Variants in WDR33 observed in about 807,000 individuals in gnomAD.
The protein encoded by WDR33 is WD repeat domain 33.
In WDR33, 47 loss-of-function variants were observed where a neutral mutation model predicts 164.9. That is an observed-to-expected ratio of 0.29 (90% CI 0.23 to 0.36). WDR33 has a LOEUF of 0.36. Ranked by LOEUF, WDR33 falls within the 10% of genes least tolerant of loss-of-function variation. The pLI, the probability that WDR33 is intolerant of heterozygous loss-of-function variation, is 1.00. For synonymous variants in WDR33, 505 were observed against 589.0 expected (o/e 0.86, Z 2.06); for missense variants, 1,137 against 1,754.1 (o/e 0.65, Z 6.28).
chr2:127,751,999 T>A (rs1476166667), intron 7 of WDR33, among the ~76,000 whole-genome samples: 2 of 152,070 alleles, frequency 1.3e-5, no homozygotes, highest in Admixed American at 1.3e-4. Context: ...TTTCACGGGG[T>A]GGACGCAGAG....
At chr2:127,771,061 A>T in intron 1 of WDR33, 57 bp from the exon 2 acceptor site, 1 of 1,286,744 alleles carries the variant, frequency 7.8e-7, no homozygotes, top group Non-Finnish European at 1.1e-6. Flanking sequence ...CACTGCCTGA[A>T]AACATTTTTA....
At position 127,713,921 on chromosome 2, in the gene WDR33, G is replaced by A; in HGVS notation, c.2970C>T (p.Phe990=). ...GACCCCTGCAGTCCTGGCCACCCCG[G>A]AAAGGCCCCCTCTCGGGCCCATGCT... The part of the protein sequence containing the change: ...GPEHGPERGP[F]RGGQDCRGPP... Residue 990 remains phenylalanine, a synonymous_variant, in exon 18 of 22, where the codon TTC becomes TTT. Coordinates refer to ENST00000322313, the MANE Select transcript of WDR33 (RefSeq NM_018383.5). The surrounding 1 kb of genome is among the most constrained non-coding windows in gnomAD (Gnocchi z 6.2). The A allele has an allele frequency of 6.2e-7, 1 of 1,610,392 alleles. No homozygotes were observed. Among genetic ancestry groups the A allele is most frequent in the Non-Finnish European group, 8.5e-7 (1 of 1,177,974 alleles).
chr2:127,711,804 G>A (rs571278259), intron 18 of WDR33, among the ~76,000 whole-genome samples: 13 of 87,364 alleles, frequency 1.5e-4, no homozygotes, highest in South Asian at 1.4e-3. Flanking sequence ...ACAGAGTCTC[G>A]CCCTGTCACC....
Position 127,763,021 on chromosome 2 carries a change from C to T in WDR33, c.724+41G>A. On this transcript the variant is annotated intron_variant, in intron 7 of 21. Transcript: ENST00000322313. The surrounding 1 kb of genome is among the most constrained non-coding windows in gnomAD (Gnocchi z 4.5). ...GTGATGATTTAACCACAAATGTCTT[C>T]CCTATTTAAATATTCCAATCAGTAC... 1 of 1,612,992 alleles carries T rather than the reference C, an allele frequency of 6.2e-7. No individual in the cohort carries two copies. Among genetic ancestry groups the T allele is most frequent in the South Asian group, 1.1e-5 (1 of 90,910 alleles).
intron 1 of WDR33, among the ~76,000 whole-genome samples, chr2:127,804,105 A>C (rs1189800368): frequency 6.6e-6 from 1 of 152,114 alleles, no homozygotes; most frequent in Non-Finnish European, 1.5e-5. Context: ...GTGGATCACA[A>C]GGTCAGGAGA....
Position 127,722,794 on chromosome 2 carries a change from A to G in WDR33, c.1379-64T>C, listed in dbSNP as rs536208057. Reference sequence around the variant, plus strand: ...AAGAAATTGGCCACTTGATCAATGAACACATTATTGGAAGAATAGATTTTA... The same window carrying G: ...AAGAAATTGGCCACTTGATCAATGAGCACATTATTGGAAGAATAGATTTTA... On this transcript the variant is annotated intron_variant, in intron 13 of 21. Transcript: ENST00000322313. This position sits in a 1 kb window ranked among gnomAD's most constrained non-coding sequence, Gnocchi z 5.1. 64 of 1,549,912 alleles carry G rather than the reference A, an allele frequency of 4.1e-5. No homozygotes were observed. The South Asian group carries it at 6.4e-4, about 15-fold the overall frequency.
At position 127,716,080 on chromosome 2, in the gene WDR33, T is replaced by G. The variant is rs1056534515; in HGVS notation, c.2869+1075A>C. ...CAGGGGGTAAAAGACTCTCCTTTTGTTTCTCTAGTTCGCTGTGGGCCACGT... is the reference window on the plus strand; with the variant it reads ...CAGGGGGTAAAAGACTCTCCTTTTGGTTCTCTAGTTCGCTGTGGGCCACGT... On this transcript the variant is annotated intron_variant, in intron 17 of 21. Transcript: ENST00000322313. The surrounding 1 kb of genome is among the most constrained non-coding windows in gnomAD (Gnocchi z 4.5). Among the ~76,000 whole-genome samples, 3 of 152,158 alleles carry G rather than the reference T, an allele frequency of 2.0e-5. No homozygotes were observed. The highest frequency in any genetic ancestry group is 7.2e-5 in the African/African-American group (3 of 41,414).
At chr2:127,796,851 A>T (rs1349570022) in intron 1 of WDR33, among the ~76,000 whole-genome samples, 2 of 152,098 alleles carry the variant, frequency 1.3e-5, no homozygotes, top group Non-Finnish European at 2.9e-5. Context: ...TAAAAAGCAT[A>T]CTTCTTATAT....
Position 127,770,756 on chromosome 2 carries a change from G to C in WDR33, c.204+22C>G. 1 of 1,529,410 alleles carries C rather than the reference G, an allele frequency of 6.5e-7. No homozygotes were observed. Among genetic ancestry groups the C allele is most frequent in the Non-Finnish European group, 8.9e-7 (1 of 1,125,908 alleles). The allele number at this position is 1,529,410 out of a possible 1,614,324, so 94.7% of individuals were successfully genotyped here. A position where few individuals can be genotyped will look rare whatever the true frequency, so the allele number is the denominator to read the frequency against. Reference sequence around the variant, plus strand: ...ATAAATAACCAAAGTTTGGTCATCTGAAGCACATAAATCAGGCTTACCTCC... The same window carrying C: ...ATAAATAACCAAAGTTTGGTCATCTCAAGCACATAAATCAGGCTTACCTCC... On this transcript the variant is annotated intron_variant, in intron 2 of 21. Coordinates refer to ENST00000322313, the MANE Select transcript of WDR33 (RefSeq NM_018383.5). The surrounding 1 kb of genome is among the most constrained non-coding windows in gnomAD (Gnocchi z 4.9).
chr2:127,739,498 A>T (rs1686953783), intron 7 of WDR33, among the ~76,000 whole-genome samples: 1 of 152,254 alleles, frequency 6.6e-6, no homozygotes, highest in Non-Finnish European at 1.5e-5. Flanking sequence ...GGCTAATAGT[A>T]AAAAATTTCC....
At chr2:127,808,981 A>C (rs1328503903) in intron 1 of WDR33, among the ~76,000 whole-genome samples, 2 of 151,414 alleles carry the variant, frequency 1.3e-5, no homozygotes, top group African/African-American at 2.4e-5. Flanking sequence ...AGCGAGCCAA[A>C]GATCGCGCCA....
intron 7 of WDR33, among the ~76,000 whole-genome samples, chr2:127,730,236 C>A (rs751649568): frequency 1.3e-5 from 2 of 151,984 alleles, no homozygotes; most frequent in African/African-American, 2.4e-5. Flanking sequence ...CAGCATATAT[C>A]ATTAAAAGAA....
Position 127,712,170 on chromosome 2 carries a change from G to A in WDR33, c.3308+1413C>T, listed in dbSNP as rs1262873162. Among the ~76,000 whole-genome samples, 1 of 151,990 alleles carries A rather than the reference G, an allele frequency of 6.6e-6. No homozygotes were observed. The highest frequency in any genetic ancestry group is 1.9e-4 in the East Asian group (1 of 5,150). The stretch of plus-strand genomic sequence containing the variant: ...CTGCACTCTGGGGGGGCTGAAGAAC[G>A]TGGATCACTTGAGGTCAGGAGTTCA... On this transcript the variant is annotated intron_variant, in intron 18 of 21. Coordinates refer to ENST00000322313, the MANE Select transcript of WDR33 (RefSeq NM_018383.5). This position sits in a 1 kb window ranked among gnomAD's most constrained non-coding sequence, Gnocchi z 4.0.
chr2:127,736,742 T>C, intron 7 of WDR33: 7 of 985,456 alleles, frequency 7.1e-6, no homozygotes, highest in Non-Finnish European at 3.6e-6. Flanking sequence ...CAAATTCTTA[T>C]GACTATATGG....
In WDR33 at chr2:127,764,785, C is replaced by T; in HGVS notation, c.626+43G>A. The T allele has an allele frequency of 1.9e-6, 3 of 1,614,140 alleles. No homozygotes were observed. The highest frequency in any genetic ancestry group is 2.5e-6 in the Non-Finnish European group (3 of 1,179,998). On this transcript the variant is annotated intron_variant, in intron 6 of 21. Transcript: ENST00000322313. This position sits in a 1 kb window ranked among gnomAD's most constrained non-coding sequence, Gnocchi z 6.2. Reference sequence around the variant, plus strand: ...GAATACACTTAGAGAATAATTTAACCATGACAATAGGGACTACAGAAAATG... The same window carrying T: ...GAATACACTTAGAGAATAATTTAACTATGACAATAGGGACTACAGAAAATG...
In WDR33 at chr2:127,709,378, C is replaced by A. The variant is rs1364350746; in HGVS notation, c.3565+112G>T. ...GCAGGACAGGAGACAGCCCAGCCCC[C>A]CGGGAGACATGAGCTGGAAAGAGGA... On this transcript the variant is annotated intron_variant, in intron 20 of 21. Coordinates refer to ENST00000322313, the MANE Select transcript of WDR33 (RefSeq NM_018383.5). This position sits in a 1 kb window ranked among gnomAD's most constrained non-coding sequence, Gnocchi z 5.0. 5.8e-6 allele frequency: 6 copies of A among 1,034,554 alleles called. No homozygotes were observed. The highest frequency in any genetic ancestry group is 8.9e-6 in the Non-Finnish European group (6 of 677,856). The allele number at this position is 1,034,554 out of a possible 1,614,324, so 64.1% of individuals were successfully genotyped here. A position where few individuals can be genotyped will look rare whatever the true frequency, so the allele number is the denominator to read the frequency against.
At chr2:127,784,195 T>C (rs1395445247) in intron 1 of WDR33, among the ~76,000 whole-genome samples, 1 of 152,064 alleles carries the variant, frequency 6.6e-6, no homozygotes, top group Non-Finnish European at 1.5e-5. Flanking sequence ...TTTAAGTATA[T>C]GAAAAATAGC....
chr2:127,795,193 C>T (rs1338990908), intron 1 of WDR33, among the ~76,000 whole-genome samples: 3 of 150,116 alleles, frequency 2.0e-5, no homozygotes, highest in African/African-American at 7.4e-5. Context: ...CTCTGCCTCT[C>T]GGGTTCAAGC....
intron 1 of WDR33, among the ~76,000 whole-genome samples, chr2:127,805,087 T>C: frequency 7.1e-6 from 1 of 140,048 alleles, no homozygotes; most frequent in Non-Finnish European, 1.5e-5. Flanking sequence ...TTTTTTTTTT[T>C]TTTTTTTTTT....
Sources: allele counts gnomAD v4.1 joint callset (sites outside exome capture counted in the v4.1 genomes callset), GRCh38; gene constraint gnomAD v4.1.1; non-coding constraint Gnocchi (gnomAD v3.1); transcripts MANE v1.5; gene names NCBI Gene and HGNC (gene_info 2026-07-23, HGNC 2026-07-21).